MOB1B: variants seen among roughly 807,000 people sequenced by gnomAD.
MOB1B encodes the protein MOB1 Mps One Binder homolog B.
A neutral mutation model predicts 24.4 loss-of-function variants in MOB1B; 19 were observed. The ratio of observed to expected loss-of-function variants is 0.78; its 90% CI spans 0.54 to 1.14. MOB1B has a LOEUF of 1.14. MOB1B is among the 50% of genes most tolerant of loss of function. The pLI, the probability that MOB1B is intolerant of heterozygous loss-of-function variation, is 0.00. For synonymous variants in MOB1B, 76 were observed against 82.1 expected, an observed-to-expected ratio of 0.93 and a Z score of 0.40; for missense variants, 243 against 259.6, an observed-to-expected ratio of 0.94 and a Z score of 0.44.
rs72854133 is a variant in MOB1B, at chr4:70,967,441, G to A, written c.182-2490G>A. Among the ~76,000 whole-genome samples the A allele has an allele frequency of 6.9e-3, 1,047 of 152,020 alleles. 15 individuals are homozygous for A. Among genetic ancestry groups the A allele is most frequent in the African/African-American group, 0.022 (911 of 41,474 alleles). The stretch of plus-strand genomic sequence containing the variant: ...GAGCCACCGCACCCAGCCAATTACT[G>A]AAGTCTTAACCAATTCAGTAAGGCA... On this transcript the variant is annotated intron_variant, in intron 2 of 5. Coordinates refer to ENST00000309395, the MANE Select transcript of MOB1B (RefSeq NM_173468.4).
At chr4:70,909,765 C>T (rs1244507144) in intron 1 of MOB1B, among the ~76,000 whole-genome samples, 1 of 151,850 alleles carries the variant, frequency 6.6e-6, no homozygotes, top group Admixed American at 6.6e-5. Context: ...CTTGCTCTGC[C>T]ACCCAGGCTG....
At chr4:70,958,846 A>AC in intron 1 of MOB1B, 28 bp from the exon 2 acceptor site, 1 of 1,581,364 alleles carries the variant, frequency 6.3e-7, no homozygotes, top group South Asian at 1.2e-5. Context: ...TAAATATTAA[A>AC]CCCTTTTTTT....
intron 1 of MOB1B, among the ~76,000 whole-genome samples, chr4:70,910,601 A>G (rs1560627485): frequency 1.3e-5 from 2 of 152,020 alleles, no homozygotes; most frequent in African/African-American, 2.4e-5. Context: ...CACTAGTAGA[A>G]GACGAAATAG....
chr4:70,960,004 C>G (rs1471505013), intron 2 of MOB1B, among the ~76,000 whole-genome samples: 1 of 152,124 alleles, frequency 6.6e-6, no homozygotes, highest in Non-Finnish European at 1.5e-5. Flanking sequence ...CTGCCTCAGC[C>G]TCCTGAGTAG....
chr4:70,908,878 C>T (rs546497968), intron 1 of MOB1B, among the ~76,000 whole-genome samples: 132 of 150,442 alleles, frequency 8.8e-4, no homozygotes, highest in African/African-American at 1.9e-3. Context: ...GGTGAAACCC[C>T]GTCTCTACTA....
chr4:70,974,073 C>A (rs1261619287), intron 3 of MOB1B, among the ~76,000 whole-genome samples: 1 of 152,078 alleles, frequency 6.6e-6, no homozygotes, highest in Non-Finnish European at 1.5e-5. Flanking sequence ...AATGCTAGTT[C>A]AGTTTAGAGA....
intron 1 of MOB1B, among the ~76,000 whole-genome samples, chr4:70,957,759 T>A (rs994479665): frequency 2.2e-4 from 33 of 151,282 alleles, no homozygotes; most frequent in African/African-American, 6.1e-4. Flanking sequence ...CCTTATTTTT[T>A]TTTTTTTTTT....
chr4:70,977,633 T>C (rs1739057563), intron 4 of MOB1B, among the ~76,000 whole-genome samples: 2 of 152,180 alleles, frequency 1.3e-5, no homozygotes, highest in South Asian at 4.1e-4. Context: ...TTCCCCCTTG[T>C]GGTAAGAGCA....
intron 1 of MOB1B, among the ~76,000 whole-genome samples, chr4:70,934,189 A>G (rs1192786988): frequency 2.0e-5 from 3 of 151,854 alleles, no homozygotes; most frequent in African/African-American, 7.3e-5. Context: ...GGTTCAAGTG[A>G]TTCTCCTGCC....
chr4:70,919,117 A>T (rs1560632267), intron 1 of MOB1B, among the ~76,000 whole-genome samples: 1 of 150,506 alleles, frequency 6.6e-6, no homozygotes, highest in Non-Finnish European at 1.5e-5. Flanking sequence ...ATGAGAACAC[A>T]TGGACACAGG....
chr4:70,944,477 T>G (rs1474661603), intron 1 of MOB1B, among the ~76,000 whole-genome samples: 1 of 152,188 alleles, frequency 6.6e-6, no homozygotes, highest in African/African-American at 2.4e-5. Flanking sequence ...GATTGACAAC[T>G]CGTTTTATTG....
chr4:70,909,257 C>T (rs1026383063), intron 1 of MOB1B, among the ~76,000 whole-genome samples: 3 of 152,038 alleles, frequency 2.0e-5, no homozygotes, highest in Non-Finnish European at 4.4e-5. Context: ...CCCCCAAGCC[C>T]CCAAAGCCAG....
chr4:70,932,201 A>G (rs1736914703), intron 1 of MOB1B, among the ~76,000 whole-genome samples: 1 of 152,140 alleles, frequency 6.6e-6, no homozygotes, highest in African/African-American at 2.4e-5. Flanking sequence ...GTGGTGCTCT[A>G]TATTTCTATA....
chr4:70,964,889 C>T (rs541446433), intron 2 of MOB1B, among the ~76,000 whole-genome samples: 21 of 150,156 alleles, frequency 1.4e-4, no homozygotes, highest in Non-Finnish European at 2.2e-4. Flanking sequence ...GAGATTGCAC[C>T]ATTGCACTCC....
chr4:70,978,521 A>G (rs368022202), intron 4 of MOB1B, among the ~76,000 whole-genome samples: 1 of 152,156 alleles, frequency 6.6e-6, no homozygotes, highest in Non-Finnish European at 1.5e-5. Context: ...CATAGTGGCC[A>G]TACCAATCTG....
chr4:70,914,493 T>C (rs1401760376), intron 1 of MOB1B, among the ~76,000 whole-genome samples: 1 of 152,194 alleles, frequency 6.6e-6, no homozygotes, highest in Non-Finnish European at 1.5e-5. Context: ...AGAACAGTAT[T>C]TAGAAACCAA....
intron 1 of MOB1B, among the ~76,000 whole-genome samples, chr4:70,954,007 A>G (rs1737922805): frequency 1.3e-5 from 2 of 152,262 alleles, no homozygotes; most frequent in East Asian, 1.9e-4. Flanking sequence ...CCTGATTTCC[A>G]GTCTAACCCT....
intron 3 of MOB1B, among the ~76,000 whole-genome samples, chr4:70,972,835 G>A (rs1405356683): frequency 1.3e-5 from 2 of 152,064 alleles, no homozygotes; most frequent in African/African-American, 2.4e-5. Context: ...GTGCAGTGGC[G>A]CGATCTCGGC....
intron 2 of MOB1B, among the ~76,000 whole-genome samples, chr4:70,959,640 CTCCTT>C (rs542082192): frequency 1.3e-5 from 2 of 152,318 alleles, no homozygotes; most frequent in East Asian, 1.9e-4. Flanking sequence ...ACATACCACT[CTCCTT>C]TCTACGTGGA....
Sources: gnomAD v4.1 joint callset for allele counts (sites outside exome capture counted in the v4.1 genomes callset) on GRCh38, gnomAD v4.1.1 for gene constraint, MANE v1.5 for transcripts, NCBI Gene and HGNC (gene_info 2026-07-23, HGNC 2026-07-21) for gene names.